The following NFATC3 variants were observed in gnomAD, a reference collection of about 807,000 sequenced individuals.
NFATC3 encodes nuclear factor of activated T cells 3.
Under a neutral mutation model 98.6 loss-of-function variants are expected in NFATC3, and 46 were observed. That is an observed-to-expected ratio of 0.47 (90% CI 0.37 to 0.60). The LOEUF is 0.60. Among genes scored for constraint, NFATC3 ranks in the 20% least tolerant of loss-of-function variants. The probability of loss-of-function intolerance (pLI) is 0.00; values close to 1 mark genes in which losing one functional copy is unlikely to be tolerated. For missense variants in NFATC3, 1,256 were observed against 1,295.5 expected, an observed-to-expected ratio of 0.97 and a Z score of 0.47; for synonymous variants, 512 against 472.2, an observed-to-expected ratio of 1.08 and a Z score of -1.09.
At chr16:68,171,228 T>TG (rs1275294201) in intron 5 of NFATC3, among the ~76,000 whole-genome samples, 1 of 151,636 alleles carries the variant, frequency 6.6e-6, no homozygotes, top group Non-Finnish European at 1.5e-5. Context: ...AGGTTGATCT[T>TG]GAACTCCTGA....
At chr16:68,116,287 A>C (rs1207327395) in intron 1 of NFATC3, among the ~76,000 whole-genome samples, 1 of 151,974 alleles carries the variant, frequency 6.6e-6, no homozygotes, top group Non-Finnish European at 1.5e-5. Flanking sequence ...CCTACAAACT[A>C]ATGATTTTAA....
intron 5 of NFATC3, among the ~76,000 whole-genome samples, chr16:68,171,867 C>T (rs1279237977): frequency 1.3e-5 from 2 of 152,090 alleles, no homozygotes; most frequent in African/African-American, 2.4e-5. Flanking sequence ...CGGCTTACTG[C>T]AACCTCCGCC....
intron 6 of NFATC3, 43 bp from the exon 7 acceptor site, chr16:68,181,432 C>G (rs1472495671): frequency 1.4e-6 from 2 of 1,447,254 alleles, no homozygotes; most frequent in South Asian, 2.3e-5. Context: ...TGTATGCTTT[C>G]TGATATGAAT....
intron 5 of NFATC3, among the ~76,000 whole-genome samples, chr16:68,171,113 T>C (rs541364163): frequency 6.6e-6 from 1 of 152,184 alleles, no homozygotes; most frequent in South Asian, 2.1e-4. Flanking sequence ...GTTCAAACAA[T>C]TCCCCCGGCT....
chr16:68,214,250 A>AC (rs2041539104), intron 9 of NFATC3: 1 of 1,038,774 alleles, frequency 9.6e-7, no homozygotes, highest in African/African-American at 1.6e-5. Flanking sequence ...TAGAAAAAAA[A>AC]CAGGCTGGGC....
At chr16:68,185,360 T>A (rs2040141225) in intron 8 of NFATC3, among the ~76,000 whole-genome samples, 2 of 152,114 alleles carry the variant, frequency 1.3e-5, no homozygotes, top group African/African-American at 4.8e-5. Flanking sequence ...CTTTCTTAAG[T>A]AGCACTCAAA....
intron 9 of NFATC3, among the ~76,000 whole-genome samples, chr16:68,216,232 A>G (rs113030992): frequency 7.2e-5 from 11 of 152,322 alleles, no homozygotes; most frequent in African/African-American, 2.2e-4. Flanking sequence ...AAGATTATTC[A>G]GAGGAAAATG....
chr16:68,086,531 C>T (rs773666641), intron 1 of NFATC3: 3 of 446,536 alleles, frequency 6.7e-6, no homozygotes, highest in Non-Finnish European at 8.9e-6. Context: ...GCTTGCAGGT[C>T]AGACCAATCA....
intron 9 of NFATC3, among the ~76,000 whole-genome samples, chr16:68,197,909 A>G (rs2040742482): frequency 6.6e-6 from 1 of 152,218 alleles, no homozygotes; most frequent in South Asian, 2.1e-4. Context: ...TCTCTTAGGC[A>G]TCATTCATGT....
chr16:68,219,121 C>T (rs1420540297), intron 9 of NFATC3, among the ~76,000 whole-genome samples: 1 of 151,760 alleles, frequency 6.6e-6, no homozygotes. Context: ...CGCGGTGGCT[C>T]ACGCCTGTAA....
chr16:68,107,830 C>T (rs2035740320), intron 1 of NFATC3, among the ~76,000 whole-genome samples: 1 of 151,010 alleles, frequency 6.6e-6, no homozygotes, highest in South Asian at 2.1e-4. Context: ...TGATGTTGAG[C>T]TTTTTTTATG....
intron 1 of NFATC3, among the ~76,000 whole-genome samples, chr16:68,093,010 A>C (rs765631223): frequency 9.9e-5 from 15 of 152,194 alleles, no homozygotes; most frequent in Non-Finnish European, 1.5e-4. Flanking sequence ...TGAAAGTCAT[A>C]GTTGAGGTTA....
intron 6 of NFATC3, among the ~76,000 whole-genome samples, chr16:68,179,489 G>C (rs946788055): frequency 2.0e-5 from 3 of 152,156 alleles, no homozygotes; most frequent in African/African-American, 7.2e-5. Context: ...CTAGTTACTG[G>C]ACTGGAAAAT....
chr16:68,106,354 G>A (rs1363476074), intron 1 of NFATC3, among the ~76,000 whole-genome samples: 1 of 149,816 alleles, frequency 6.7e-6, no homozygotes, highest in Non-Finnish European at 1.5e-5. Context: ...GTGCAATGGT[G>A]TGATCTTGGC....
At chr16:68,167,552 A>G (rs1043554574) in intron 5 of NFATC3, among the ~76,000 whole-genome samples, 7 of 152,160 alleles carry the variant, frequency 4.6e-5, no homozygotes, top group East Asian at 1.9e-4. Context: ...CATGTACTCA[A>G]TCCTGGGGAA....
At chr16:68,091,743 G>A (rs950274210) in intron 1 of NFATC3, among the ~76,000 whole-genome samples, 1 of 152,220 alleles carries the variant, frequency 6.6e-6, no homozygotes, top group Non-Finnish European at 1.5e-5. Context: ...TTTGCTCACA[G>A]CAGTAACATA....
intron 5 of NFATC3, among the ~76,000 whole-genome samples, chr16:68,167,810 C>CTTTTTGTTTT (rs2039271630): frequency 4.2e-5 from 1 of 23,898 alleles, no homozygotes; most frequent in Non-Finnish European, 1.1e-4. Context: ...CGTATGTGTT[C>CTTTTTGTTTT]TTTTTTTTTT....
intron 8 of NFATC3, among the ~76,000 whole-genome samples, chr16:68,189,912 A>G (rs908227982): frequency 1.3e-5 from 2 of 152,120 alleles, no homozygotes; most frequent in African/African-American, 4.8e-5. Context: ...AAAAATAAAC[A>G]TGAGCATGGT....
At chr16:68,142,399 G>T (rs933334899) in intron 3 of NFATC3, among the ~76,000 whole-genome samples, 3 of 152,294 alleles carry the variant, frequency 2.0e-5, no homozygotes, top group Non-Finnish European at 4.4e-5. Flanking sequence ...TGGTGGCGGT[G>T]TGTAGCAGTG....
Sources: gnomAD v4.1 joint callset for allele counts (sites outside exome capture counted in the v4.1 genomes callset) on GRCh38, gnomAD v4.1.1 for gene constraint, MANE v1.5 for transcripts, NCBI Gene and HGNC (gene_info 2026-07-23, HGNC 2026-07-21) for gene names.